Variants in WNK1 observed in about 807,000 individuals in gnomAD.
WNK1 encodes the protein serine/threonine-protein kinase WNK1.
Under a neutral mutation model 222.8 loss-of-function variants are expected in WNK1, and 38 were observed. That is an observed-to-expected ratio of 0.17 (90% CI 0.13 to 0.22). The LOEUF (loss-of-function observed/expected upper bound fraction) is 0.22. WNK1 is among the 10% of genes least tolerant of loss of function. WNK1 has a pLI of 1.00. For synonymous variants in WNK1, 1,090 were observed against 1,092.9 expected, an observed-to-expected ratio of 1.00 and a Z score of 0.05; for missense variants, 2,348 against 2,918.4, an observed-to-expected ratio of 0.80 and a Z score of 4.50.
intron 26 of WNK1, chr12:901,537 T>TG (rs1469966591): frequency 7.8e-7 from 1 of 1,286,284 alleles, no homozygotes; most frequent in East Asian, 5.6e-5. Context: ...CTCTCTGTTC[T>TG]ACCCTGTTTT....
chr12:802,968 A>T (rs1255837810), intron 1 of WNK1, among the ~76,000 whole-genome samples: 1 of 152,214 alleles, frequency 6.6e-6, no homozygotes, highest in African/African-American at 2.4e-5. Context: ...TTTGAACATG[A>T]TGAACAAGAT....
chr12:785,524 A>G (rs193135999), intron 1 of WNK1, among the ~76,000 whole-genome samples: 193 of 146,750 alleles, frequency 1.3e-3, no homozygotes, highest in African/African-American at 4.4e-3. Context: ...CAGCCTCCCG[A>G]GTAGCTGGGA....
At chr12:858,376 G>T (rs1950946112) in intron 5 of WNK1, among the ~76,000 whole-genome samples, 2 of 152,060 alleles carry the variant, frequency 1.3e-5, no homozygotes, top group African/African-American at 4.8e-5. Context: ...TTTTAGTAGA[G>T]ACAGGGTTTC....
At chr12:829,911 C>G in intron 3 of WNK1, 92 bp from the exon 4 acceptor site, 1 of 1,387,886 alleles carries the variant, frequency 7.2e-7, no homozygotes, top group Non-Finnish European at 1.0e-6. Context: ...AATTTCTTCT[C>G]TCTCACAGGT....
chr12:757,354 T>A (rs1940250666), intron 1 of WNK1, among the ~76,000 whole-genome samples: 1 of 21,364 alleles, frequency 4.7e-5, no homozygotes, highest in African/African-American at 9.4e-5. Flanking sequence ...AGAGACGGAG[T>A]CTTGCTCTAT....
chr12:896,819 C>T, intron 24 of WNK1, 87 bp downstream of exon 24: 1 of 1,450,190 alleles, frequency 6.9e-7, no homozygotes, highest in Non-Finnish European at 9.3e-7. Flanking sequence ...TTTTTCGCCA[C>T]AATATGCTAA....
chr12:791,312 A>G, intron 1 of WNK1, among the ~76,000 whole-genome samples: 1 of 151,996 alleles, frequency 6.6e-6, no homozygotes. Flanking sequence ...AGAAAAAGAT[A>G]ATACATGAAT....
intron 4 of WNK1, among the ~76,000 whole-genome samples, chr12:851,237 C>T (rs1950399113): frequency 6.6e-6 from 1 of 152,114 alleles, no homozygotes; most frequent in Non-Finnish European, 1.5e-5. Context: ...GAACTCAATC[C>T]CTTTTTTCTT....
chr12:781,994 C>T lies in WNK1; in HGVS notation c.759+27670C>T, dbSNP rs561431374. Among the ~76,000 whole-genome samples, 6 of 152,268 alleles carry T rather than the reference C, an allele frequency of 3.9e-5. No homozygotes were observed. In the South Asian group the frequency reaches 1.0e-3, roughly 26 times the overall value. On this transcript the variant is annotated intron_variant, in intron 1 of 27. Coordinates refer to ENST00000315939, the MANE Select transcript of WNK1 (RefSeq NM_018979.4). ...TTTGTGTGAATCTGGATATCCTCCTCACTTAACTTCTAAGGCTTTTTCTTC... is the reference window on the plus strand; with the variant it reads ...TTTGTGTGAATCTGGATATCCTCCTTACTTAACTTCTAAGGCTTTTTCTTC...
chr12:863,169 G>A (rs904948017), intron 8 of WNK1, among the ~76,000 whole-genome samples: 1 of 152,098 alleles, frequency 6.6e-6, no homozygotes, highest in Non-Finnish European at 1.5e-5. Context: ...TTCTCAGAAA[G>A]CTTTTAATCT....
chr12:862,772 A>G (rs537786836), intron 8 of WNK1, among the ~76,000 whole-genome samples: 1 of 152,318 alleles, frequency 6.6e-6, no homozygotes, highest in East Asian at 1.9e-4. Flanking sequence ...TGAGTTAATC[A>G]TCAGTTGCTG....
At chr12:762,638 G>A (rs887902529) in intron 1 of WNK1, among the ~76,000 whole-genome samples, 4 of 147,422 alleles carry the variant, frequency 2.7e-5, no homozygotes, top group Admixed American at 2.7e-4. Context: ...GGTTAGATTT[G>A]CATAGCAGTA....
intron 1 of WNK1, among the ~76,000 whole-genome samples, chr12:804,950 TAATATAAA>T: frequency 6.9e-6 from 1 of 144,816 alleles, no homozygotes; most frequent in Admixed American, 6.9e-5. Flanking sequence ...TATATATATA[TAATATAAA>T]ATATAATTAA....
intron 4 of WNK1, among the ~76,000 whole-genome samples, chr12:838,419 A>G (rs1007601768): frequency 6.6e-6 from 1 of 151,566 alleles, no homozygotes; most frequent in African/African-American, 2.4e-5. Flanking sequence ...TGTTATTATT[A>G]TTATTATTAT....
intron 1 of WNK1, among the ~76,000 whole-genome samples, chr12:783,126 A>T (rs945095124): frequency 4.0e-5 from 6 of 148,852 alleles, no homozygotes; most frequent in African/African-American, 1.5e-4. Flanking sequence ...TGTTACCCAC[A>T]CTGGTCTCGA....
chr12:883,809 G>A lies in WNK1; in HGVS notation c.3699G>A (p.Ala1233=), dbSNP rs147752204. The A allele has an allele frequency of 3.1e-4, 498 of 1,613,898 alleles. 2 individuals carry two copies. Among genetic ancestry groups the A allele is most frequent in the African/African-American group, 1.6e-4 (12 of 74,912 alleles). The change falls in exon 17 of 28, where the codon GCG becomes GCA. Residue 1233 remains alanine, a synonymous_variant. Transcript: ENST00000315939. Reference sequence around the variant, plus strand: ...GAGAGTTCAAACAACCAATTCCTGCGTCTTCCATGCCACAGCAAATAGGTG... The same window carrying A: ...GAGAGTTCAAACAACCAATTCCTGCATCTTCCATGCCACAGCAAATAGGTG... ...LEGEFKQPIP[A]SSMPQQIGIP... is the part of the protein sequence containing the mutation.
intron 26 of WNK1, among the ~76,000 whole-genome samples, chr12:902,998 A>G (rs1351486156): frequency 6.6e-6 from 1 of 152,208 alleles, no homozygotes; most frequent in Non-Finnish European, 1.5e-5. Context: ...GTTTCTGAGT[A>G]TGGGTCAGAG....
chr12:871,492 GA>G (rs576138398), intron 9 of WNK1, 144 bp downstream of exon 9: 4 of 762,242 alleles, frequency 5.2e-6, no homozygotes, highest in African/African-American at 1.8e-5. Context: ...CAGTAACAAA[GA>G]AAAAAAAGAG....
chr12:822,685 A>G (rs1591858137), intron 2 of WNK1, among the ~76,000 whole-genome samples: 1 of 152,044 alleles, frequency 6.6e-6, no homozygotes, highest in East Asian at 1.9e-4. Context: ...TTATGTTTTC[A>G]TTGTCTCAAA....
Sources: allele counts gnomAD v4.1 joint callset (sites outside exome capture counted in the v4.1 genomes callset), GRCh38; gene constraint gnomAD v4.1.1; transcripts MANE v1.5; gene names NCBI Gene and HGNC (gene_info 2026-07-23, HGNC 2026-07-21).